Variants in OXR1 observed in about 807,000 individuals in gnomAD.
OXR1 encodes oxidation resistance 1, also known as oxidation resistance protein 1.
Under a neutral mutation model 104.6 loss-of-function variants are expected in OXR1, and 41 were observed. The ratio of observed to expected loss-of-function variants is 0.39; its 90% CI spans 0.31 to 0.51. The LOEUF is 0.51. Among genes scored for constraint, OXR1 ranks in the 20% least tolerant of loss-of-function variants. The probability of loss-of-function intolerance (pLI) is 0.77; values close to 1 mark genes in which losing one functional copy is unlikely to be tolerated. For synonymous variants in OXR1, 348 were observed against 348.4 expected (o/e 1.00, Z 0.01); for missense variants, 955 against 1,031.9 (o/e 0.93, Z 1.02).
chr8:106,616,033 T>C (rs1037150574), intron 3 of OXR1, among the ~76,000 whole-genome samples: 1 of 82,298 alleles, frequency 1.2e-5, no homozygotes, highest in Non-Finnish European at 2.3e-5. Flanking sequence ...ACACCTTCTT[T>C]TTTTTTTTTT....
Position 106,425,537 on chromosome 8 carries a change from T to G in OXR1, c.23+65901T>G, listed in dbSNP as rs968497373. 2.0e-5 allele frequency among the ~76,000 whole-genome samples: 3 copies of G among 152,178 alleles called. No homozygotes were observed. In the East Asian group the frequency reaches 5.8e-4, roughly 29 times the overall value. On this transcript the variant is annotated intron_variant, in intron 2 of 16. Transcript: ENST00000517566. Reference sequence around the variant, plus strand: ...AAGAAAAGAACCAGGGATCAGTAAGTCCGCATCATTATTGGTCTTGTTTCT... The same window carrying G: ...AAGAAAAGAACCAGGGATCAGTAAGGCCGCATCATTATTGGTCTTGTTTCT...
chr8:106,379,516 T>C (rs890623907), intron 2 of OXR1, among the ~76,000 whole-genome samples: 33 of 150,098 alleles, frequency 2.2e-4, no homozygotes, highest in Non-Finnish European at 4.0e-4. Context: ...TGTATTCTTT[T>C]TTTTACTTTT....
At chr8:106,733,344 A>G (rs911027303) in intron 11 of OXR1, among the ~76,000 whole-genome samples, 4 of 152,056 alleles carry the variant, frequency 2.6e-5, no homozygotes, top group Non-Finnish European at 4.4e-5. Flanking sequence ...TCTGATATTT[A>G]TTCTCTCACT....
At chr8:106,657,683 CG>C (rs1406168346) in intron 3 of OXR1, 1 of 296,920 alleles carries the variant, frequency 3.4e-6, no homozygotes. Context: ...GACCCCGCAT[CG>C]GTTCCAGGAA....
Position 106,679,205 on chromosome 8 carries a change from C to T in OXR1, c.221-5C>T, listed in dbSNP as rs1827905772. 1 of 1,595,022 alleles carries T rather than the reference C, an allele frequency of 6.3e-7. No individual in the cohort carries two copies. The highest frequency in any genetic ancestry group is 8.6e-7 in the Non-Finnish European group (1 of 1,167,538). Reference sequence around the variant, plus strand: ...TTTAATAGGAATTTTGCCTTTTTTTCCCAGACACTGGCCAAAAGAAGACCC... The same window carrying T: ...TTTAATAGGAATTTTGCCTTTTTTTTCCAGACACTGGCCAAAAGAAGACCC... On this transcript the variant is annotated splice_region_variant and splice_polypyrimidine_tract_variant and intron_variant, in intron 3 of 16. Transcript: ENST00000517566.
intron 1 of OXR1, among the ~76,000 whole-genome samples, chr8:106,278,255 T>C (rs1164209022): frequency 6.6e-6 from 1 of 152,200 alleles, no homozygotes; most frequent in Non-Finnish European, 1.5e-5. Context: ...AACAAATTAA[T>C]ATATTTTCTT....
chr8:106,530,525 C>T (rs1220638959), intron 3 of OXR1, among the ~76,000 whole-genome samples: 2 of 152,144 alleles, frequency 1.3e-5, no homozygotes, highest in Non-Finnish European at 2.9e-5. Context: ...ACCATGTTAA[C>T]AGTTATGACT....
intron 7 of OXR1, among the ~76,000 whole-genome samples, chr8:106,696,157 T>C (rs1452946636): frequency 6.6e-6 from 1 of 152,196 alleles, no homozygotes; most frequent in Non-Finnish European, 1.5e-5. Context: ...TGATAATTAA[T>C]GGTCGTCTTA....
At chr8:106,454,417 C>A (rs1317419363) in intron 2 of OXR1, among the ~76,000 whole-genome samples, 1 of 148,968 alleles carries the variant, frequency 6.7e-6, no homozygotes, top group South Asian at 2.1e-4. Context: ...GCCAAGATGG[C>A]GCCACTGCAC....
chr8:106,722,871 G>C (rs995777463), intron 11 of OXR1, among the ~76,000 whole-genome samples: 5 of 152,098 alleles, frequency 3.3e-5, no homozygotes, highest in African/African-American at 1.2e-4. Context: ...CTTTTAGACT[G>C]TTTATGTTTT....
intron 1 of OXR1, among the ~76,000 whole-genome samples, chr8:106,294,251 C>A (rs1812883836): frequency 6.6e-6 from 1 of 151,400 alleles, no homozygotes. Context: ...AAACAATTAG[C>A]CGGGTGTGGT....
chr8:106,737,396 G>A (rs992233494), intron 11 of OXR1, 124 bp from the exon 12 acceptor site: 2 of 412,220 alleles, frequency 4.9e-6, no homozygotes, highest in East Asian at 3.4e-5. Flanking sequence ...ATAGAGTGGG[G>A]AAGAAATCCT....
At chr8:106,405,016 A>G (rs977045480) in intron 2 of OXR1, among the ~76,000 whole-genome samples, 2 of 151,876 alleles carry the variant, frequency 1.3e-5, no homozygotes, top group African/African-American at 2.4e-5. Context: ...TGAGTTTCCA[A>G]TGCAAATATT....
Position 106,706,964 on chromosome 8 carries a change from T to C in OXR1, c.1443T>C (p.Ser481=). 2.5e-6 allele frequency: 4 copies of C among 1,613,570 alleles called. No homozygotes were observed. The highest frequency in any genetic ancestry group is 2.2e-5 in the South Asian group (2 of 91,018). The change falls in exon 9 of 17, where the codon AGT becomes AGC. Residue 481 remains serine (S), a synonymous_variant. Coordinates refer to ENST00000517566, the MANE Select transcript of OXR1 (RefSeq NM_001198533.2). ...GETAEFKQKQ[S]VNKGKQGKEQ... is the part of the protein sequence containing the mutation. ...CAGCAGAATTTAAACAAAAGCAAAG[T>C]GTTAACAAAGGAAAACAAGGAAAGG...
At chr8:106,506,089 A>G (rs1348774416) in intron 2 of OXR1, among the ~76,000 whole-genome samples, 1 of 152,242 alleles carries the variant, frequency 6.6e-6, no homozygotes, top group African/African-American at 2.4e-5. Context: ...AGTGTTACAA[A>G]GGAAAGGATG....
chr8:106,275,389 A>G (rs1040354270), intron 1 of OXR1, among the ~76,000 whole-genome samples: 23 of 152,220 alleles, frequency 1.5e-4, no homozygotes, highest in African/African-American at 5.3e-4. Flanking sequence ...CCACAGTGGT[A>G]GAAGACAATG....
intron 3 of OXR1, among the ~76,000 whole-genome samples, chr8:106,651,997 ATT>A (rs1382069982): frequency 6.6e-6 from 1 of 151,928 alleles, no homozygotes; most frequent in Non-Finnish European, 1.5e-5. Flanking sequence ...ATTTCTAAGT[ATT>A]TTTGTCTTTT....
At chr8:106,397,434 A>T (rs2130462759) in intron 2 of OXR1, among the ~76,000 whole-genome samples, 2 of 152,168 alleles carry the variant, frequency 1.3e-5, no homozygotes, top group East Asian at 3.9e-4. Flanking sequence ...TAAAAAGTAC[A>T]ATTAACTTTT....
At chr8:106,556,898 C>T (rs1461548505) in intron 3 of OXR1, among the ~76,000 whole-genome samples, 1 of 152,198 alleles carries the variant, frequency 6.6e-6, no homozygotes, top group African/African-American at 2.4e-5. Context: ...GAGCTTTCCT[C>T]CCATAGCTTT....
Sources: allele counts gnomAD v4.1 joint callset (sites outside exome capture counted in the v4.1 genomes callset), GRCh38; gene constraint gnomAD v4.1.1; transcripts MANE v1.5; gene names NCBI Gene and HGNC (gene_info 2026-07-23, HGNC 2026-07-21).